MAPK9: variants seen among roughly 807,000 people sequenced by gnomAD.
MAPK9 encodes the protein Jun kinase.
MAPK9 carries 30 observed loss-of-function variants against 57.1 expected under a neutral mutation model. The observed-to-expected ratio is 0.53, with a 90% CI of 0.39 to 0.71. The LOEUF is 0.71. Among genes scored for constraint, MAPK9 ranks in the 30% least tolerant of loss-of-function variants. The pLI, the probability that MAPK9 is intolerant of heterozygous loss-of-function variation, is 0.00. For synonymous variants in MAPK9, 155 were observed against 177.0 expected (o/e 0.88, Z 0.99); for missense variants, 362 against 521.0 (o/e 0.69, Z 2.97).
At chr5:180,263,938 C>T (rs996217266) in intron 4 of MAPK9, among the ~76,000 whole-genome samples, 3 of 152,100 alleles carry the variant, frequency 2.0e-5, no homozygotes, top group African/African-American at 7.2e-5. Flanking sequence ...ATCTCCTGAC[C>T]TCGTGATCCG....
chr5:180,245,305 G>A (rs545533682), intron 7 of MAPK9, among the ~76,000 whole-genome samples: 2 of 152,252 alleles, frequency 1.3e-5, no homozygotes, highest in South Asian at 2.1e-4. Context: ...CGCCTGCTGG[G>A]GGCCTCCACC....
chr5:180,241,664 T>C (rs1012822825), intron 8 of MAPK9, among the ~76,000 whole-genome samples: 1 of 152,206 alleles, frequency 6.6e-6, no homozygotes, highest in African/African-American at 2.4e-5. Context: ...TTTCCAAATG[T>C]AGTTTTACGC....
intron 5 of MAPK9, chr5:180,253,752 C>T (rs1758954327): frequency 6.6e-6 from 1 of 152,294 alleles, no homozygotes; most frequent in South Asian, 2.1e-4. Context: ...CGCTCTGCCA[C>T]ATGAGAAGCA....
chr5:180,274,593 T>A (rs1761648267), intron 2 of MAPK9, among the ~76,000 whole-genome samples: 1 of 152,212 alleles, frequency 6.6e-6, no homozygotes, highest in African/African-American at 2.4e-5. Flanking sequence ...AACTAGACTC[T>A]GCCAACAGGC....
At chr5:180,257,586 C>T (rs918161076) in intron 5 of MAPK9, 4 of 152,234 alleles carry the variant, frequency 2.6e-5, no homozygotes, top group Non-Finnish European at 4.4e-5. Flanking sequence ...AAAATTCGGG[C>T]CAGGAGGCCC....
intron 7 of MAPK9, among the ~76,000 whole-genome samples, chr5:180,245,697 G>A (rs1223514875): frequency 6.6e-6 from 1 of 152,220 alleles, no homozygotes; most frequent in Non-Finnish European, 1.5e-5. Context: ...AAGGCTCAGA[G>A]AGGCCCTAAA....
chr5:180,241,399 G>A (rs933256013), intron 8 of MAPK9, among the ~76,000 whole-genome samples: 4 of 151,254 alleles, frequency 2.6e-5, no homozygotes, highest in East Asian at 1.9e-4. Flanking sequence ...CCGGGTTCAC[G>A]CCATTCTCCT....
rs1444623145 is a variant in MAPK9 at position 180,233,800 on chromosome 5, T to C, written c.*2584A>G. On this transcript the variant is annotated 3_prime_UTR_variant, in exon 12 of 12. Coordinates refer to ENST00000452135, the MANE Select transcript of MAPK9 (RefSeq NM_002752.5). ...GTGGTTATCGCTACTTACACAGCAT[T>C]AAATGCGGGTTGAAGCAGCACCCGC... is the stretch of plus-strand genomic sequence containing the variant. 6.6e-6 allele frequency: 1 copy of C among 152,190 alleles called. No individual in the cohort carries two copies. The highest frequency in any genetic ancestry group is 1.5e-5 in the Non-Finnish European group (1 of 68,036). 9.4% of individuals were successfully genotyped at this position (152,190 alleles called of 1,614,324 possible).
At chr5:180,241,307 T>A (rs1757634761) in intron 8 of MAPK9, 152 bp from the exon 9 acceptor site, 33 of 694,140 alleles carry the variant, frequency 4.8e-5, no homozygotes, top group East Asian at 3.1e-4. Flanking sequence ...ACCCAAAATT[T>A]TTTTTTTTTT....
intron 5 of MAPK9, among the ~76,000 whole-genome samples, chr5:180,255,364 G>A (rs1759166347): frequency 6.6e-6 from 1 of 152,054 alleles, no homozygotes; most frequent in South Asian, 2.1e-4. Context: ...AATCACCAAG[G>A]GAGATCCAGG....
intron 1 of MAPK9, among the ~76,000 whole-genome samples, chr5:180,282,310 C>A (rs935100031): frequency 1.5e-4 from 23 of 152,148 alleles, no homozygotes; most frequent in African/African-American, 4.8e-4. Flanking sequence ...CCTTTATGCA[C>A]GAAAGTGGTA....
intron 2 of MAPK9, among the ~76,000 whole-genome samples, chr5:180,270,913 C>A (rs572716159): frequency 7.3e-5 from 11 of 150,554 alleles, no homozygotes; most frequent in African/African-American, 2.4e-4. Context: ...AACAGACACA[C>A]TTTTTTGGTA....
chr5:180,244,697 C>T (rs1045243237), intron 7 of MAPK9, among the ~76,000 whole-genome samples: 11 of 151,366 alleles, frequency 7.3e-5, no homozygotes, highest in Non-Finnish European at 1.2e-4. Context: ...TCGCTTGAAC[C>T]CAGGAGGTAG....
At chr5:180,237,780 G>T (rs1757293485) in intron 11 of MAPK9, 1 of 152,404 alleles carries the variant, frequency 6.6e-6, no homozygotes, top group Admixed American at 6.5e-5. Context: ...TATTCATACA[G>T]CGGTTTTTAA....
intron 1 of MAPK9, among the ~76,000 whole-genome samples, chr5:180,291,637 G>A (rs1049765284): frequency 2.6e-5 from 4 of 152,034 alleles, no homozygotes; most frequent in Non-Finnish European, 5.9e-5. Context: ...GGCCAGGCCG[G>A]TGAGCAGGCC....
Position 180,236,479 on chromosome 5 carries a change from T to C in MAPK9, c.1180A>G (p.Asn394Asp). Residue 394 changes from asparagine (N) to aspartate (D), a missense_variant, in exon 12 of 12, where the codon AAT becomes GAT. Coordinates refer to ENST00000452135, the MANE Select transcript of MAPK9 (RefSeq NM_002752.5). The part of the protein sequence containing the change: ...NATPSQSSSI[N>D]DISSMSTEQT... ...TCAGTGGACATGGATGAAATGTCAT[T>C]GATCGATGAAGACTGAGAAGGAGTG... 1 of 1,614,102 alleles carries C rather than the reference T, an allele frequency of 6.2e-7. No homozygotes were observed. Among genetic ancestry groups the C allele is most frequent in the Non-Finnish European group, 8.5e-7 (1 of 1,179,968 alleles).
At chr5:180,262,299 C>G (rs1760057621) in intron 4 of MAPK9, among the ~76,000 whole-genome samples, 1 of 152,060 alleles carries the variant, frequency 6.6e-6, no homozygotes, top group Non-Finnish European at 1.5e-5. Context: ...AGTGATTATA[C>G]AACAACAACA....
rs529740991 is a variant in MAPK9, at chr5:180,277,465, C to A, written c.122+2975G>T. On this transcript the variant is annotated intron_variant, in intron 2 of 11. Coordinates refer to ENST00000452135, the MANE Select transcript of MAPK9 (RefSeq NM_002752.5). The stretch of plus-strand genomic sequence containing the variant: ...CCTGTCTCCCTTTTGTAAGAAGGAC[C>A]CACCCAACTAAACCTGGGATAACCC... 1.1e-4 allele frequency among the ~76,000 whole-genome samples: 16 copies of A among 152,246 alleles called. No homozygotes were observed. The South Asian group carries it at 3.1e-3, about 30-fold the overall frequency.
At chr5:180,276,638 G>A (rs560736911) in intron 2 of MAPK9, among the ~76,000 whole-genome samples, 17 of 152,254 alleles carry the variant, frequency 1.1e-4, no homozygotes, top group African/African-American at 3.9e-4. Context: ...GGCAGATCAC[G>A]AGATCAAGAG....
Sources: allele counts gnomAD v4.1 joint callset (sites outside exome capture counted in the v4.1 genomes callset), GRCh38; gene constraint gnomAD v4.1.1; transcripts MANE v1.5; gene names NCBI Gene and HGNC (gene_info 2026-07-23, HGNC 2026-07-21).